SYN3: variants seen among roughly 807,000 people sequenced by gnomAD.
SYN3 encodes the protein synapsin III, also known as synapsin-3.
A neutral mutation model predicts 65.8 loss-of-function variants in SYN3; 35 were observed. That is an observed-to-expected ratio of 0.53 (90% CI 0.41 to 0.70). The LOEUF (loss-of-function observed/expected upper bound fraction) is 0.70. SYN3 is among the 30% of genes least tolerant of loss of function. The pLI is 0.00. For synonymous variants in SYN3, 270 were observed against 292.9 expected, an observed-to-expected ratio of 0.92 and a Z score of 0.80; for missense variants, 680 against 749.0, an observed-to-expected ratio of 0.91 and a Z score of 1.08.
At chr22:32,647,856 C>G (rs1462927563) in intron 6 of SYN3, among the ~76,000 whole-genome samples, 1 of 152,112 alleles carries the variant, frequency 6.6e-6, no homozygotes, top group Non-Finnish European at 1.5e-5. Context: ...ATCCGCCCAC[C>G]TCGGCCTCCC....
intron 2 of SYN3, among the ~76,000 whole-genome samples, chr22:32,986,394 G>A (rs1406787370): frequency 6.6e-6 from 1 of 152,132 alleles, no homozygotes; most frequent in African/African-American, 2.4e-5. Flanking sequence ...ACCTTCCCAG[G>A]AGAAACATTT....
At chr22:32,676,422 AG>A (rs1035016697) in intron 6 of SYN3, among the ~76,000 whole-genome samples, 2 of 149,648 alleles carry the variant, frequency 1.3e-5, no homozygotes, top group African/African-American at 4.9e-5. Context: ...AGAAGCCCGG[AG>A]GTGTGTGGAC....
At chr22:32,637,630 C>CTTTTTTTTTTTTTTTTTTT (rs1185407986) in intron 6 of SYN3, among the ~76,000 whole-genome samples, 1 of 93,562 alleles carries the variant, frequency 1.1e-5, no homozygotes, top group Non-Finnish European at 2.0e-5. Flanking sequence ...TTTTCTTTTT[C>CTTTTTTTTTTTTTTTTTTT]TTTTTTTTTT....
intron 7 of SYN3, among the ~76,000 whole-genome samples, chr22:32,551,599 A>G (rs2146300699): frequency 6.6e-6 from 1 of 152,232 alleles, no homozygotes; most frequent in Non-Finnish European, 1.5e-5. Flanking sequence ...CCATGTGAAT[A>G]TGAAGGACTT....
intron 6 of SYN3, among the ~76,000 whole-genome samples, chr22:32,797,554 T>A (rs746479273): frequency 1.3e-5 from 2 of 152,106 alleles, no homozygotes; most frequent in Non-Finnish European, 2.9e-5. Context: ...TTCCTAACTT[T>A]TTAGTGCTAC....
At chr22:33,015,400 A>G in intron 1 of SYN3, 2 of 382,022 alleles carry the variant, frequency 5.2e-6, no homozygotes, top group South Asian at 5.0e-5. Flanking sequence ...GAAGCCTTAT[A>G]TTTCTTTAGG....
chr22:32,992,581 G>A (rs1474904456), intron 2 of SYN3, among the ~76,000 whole-genome samples: 7 of 152,158 alleles, frequency 4.6e-5, no homozygotes, highest in Non-Finnish European at 8.8e-5. Flanking sequence ...GGGAGGCCAA[G>A]GCAGTTGGAT....
intron 6 of SYN3, among the ~76,000 whole-genome samples, chr22:32,817,034 A>G (rs1348933002): frequency 2.0e-5 from 3 of 150,922 alleles, no homozygotes; most frequent in African/African-American, 4.9e-5. Flanking sequence ...TCTGGGTCAC[A>G]TAGTAAGATT....
chr22:32,552,962 A>T lies in SYN3; in HGVS notation c.775-11249T>A, dbSNP rs527302265. ...CTGGAGACTGGGAAGTCCTAGATCA[A>T]GGTGCTGGCATGGTCAGGTTCTGGT... On this transcript the variant is annotated intron_variant, in intron 7 of 13. Coordinates refer to ENST00000358763, the MANE Select transcript of SYN3 (RefSeq NM_003490.4). 3.9e-5 allele frequency among the ~76,000 whole-genome samples: 6 copies of T among 152,350 alleles called. No individual in the cohort carries two copies. The South Asian group carries it at 1.0e-3, about 26-fold the overall frequency.
intron 6 of SYN3, among the ~76,000 whole-genome samples, chr22:32,731,196 T>C (rs573224774): frequency 6.6e-6 from 1 of 152,266 alleles, no homozygotes; most frequent in Admixed American, 6.5e-5. Context: ...ATGACTCCAA[T>C]GCCACGCAGG....
chr22:32,691,532 T>A (rs2147156666), intron 6 of SYN3, among the ~76,000 whole-genome samples: 1 of 152,252 alleles, frequency 6.6e-6, no homozygotes, highest in African/African-American at 2.4e-5. Flanking sequence ...CCGGAAAGTA[T>A]GGTTACTTCT....
At chr22:32,902,871 CAA>C (rs1158432098) in intron 4 of SYN3, among the ~76,000 whole-genome samples, 29 of 127,410 alleles carry the variant, frequency 2.3e-4, no homozygotes, top group Admixed American at 4.1e-4. Flanking sequence ...CCCCTGGAGA[CAA>C]AAAAAAAAAA....
At chr22:32,963,799 G>A (rs527566980) in intron 3 of SYN3, among the ~76,000 whole-genome samples, 24 of 152,252 alleles carry the variant, frequency 1.6e-4, no homozygotes, top group Admixed American at 3.9e-4. Context: ...AGCCTGCACC[G>A]TGGAGAGCTA....
At chr22:32,781,121 T>C (rs1569219737) in intron 6 of SYN3, among the ~76,000 whole-genome samples, 2 of 132,186 alleles carry the variant, frequency 1.5e-5, no homozygotes, top group Admixed American at 8.6e-5. Flanking sequence ...GCATCCCTCC[T>C]TTCAATAAAC....
intron 6 of SYN3, among the ~76,000 whole-genome samples, chr22:32,709,798 T>C (rs1421797583): frequency 6.6e-6 from 1 of 152,120 alleles, no homozygotes; most frequent in Non-Finnish European, 1.5e-5. Context: ...CTTTAGTTCA[T>C]TAAGACTGTC....
chr22:32,591,083 T>C (rs2059121293), intron 7 of SYN3, among the ~76,000 whole-genome samples: 1 of 152,306 alleles, frequency 6.6e-6, no homozygotes, highest in African/African-American at 2.4e-5. Context: ...CAATTATTAC[T>C]ATGTTCATTT....
chr22:32,693,229 G>A (rs1569153592), intron 6 of SYN3, among the ~76,000 whole-genome samples: 1 of 152,102 alleles, frequency 6.6e-6, no homozygotes, highest in Non-Finnish European at 1.5e-5. Flanking sequence ...TGTGCTGTGC[G>A]GCCATGATGA....
At chr22:32,657,512 G>A (rs768151462) in intron 6 of SYN3, among the ~76,000 whole-genome samples, 23 of 152,242 alleles carry the variant, frequency 1.5e-4, no homozygotes, top group Non-Finnish European at 3.2e-4. Flanking sequence ...CTGAGACTCA[G>A]ACAGGGGTGC....
intron 7 of SYN3, among the ~76,000 whole-genome samples, chr22:32,552,836 A>T (rs914621495): frequency 4.6e-5 from 7 of 152,170 alleles, no homozygotes; most frequent in Non-Finnish European, 8.8e-5. Flanking sequence ...TGTTTCCTAT[A>T]ATGTCACTTA....
Sources: gnomAD v4.1 joint callset for allele counts (sites outside exome capture counted in the v4.1 genomes callset) on GRCh38, gnomAD v4.1.1 for gene constraint, MANE v1.5 for transcripts, NCBI Gene and HGNC (gene_info 2026-07-23, HGNC 2026-07-21) for gene names.